The following DMD variants were observed in gnomAD, a reference collection of about 807,000 sequenced individuals.
The protein encoded by DMD is dystrophin.
A neutral mutation model predicts 330.1 loss-of-function variants in DMD; 63 were observed. The observed-to-expected ratio is 0.19, with a 90% CI of 0.16 to 0.24. The LOEUF (loss-of-function observed/expected upper bound fraction) is 0.24. Ranked by LOEUF, DMD falls within the 10% of genes least tolerant of loss-of-function variation. The pLI is 1.00. For synonymous variants in DMD, 1,223 were observed against 959.8 expected (o/e 1.27, Z -5.07); for missense variants, 3,344 against 2,684.1 (o/e 1.25, Z -5.43).
chrX:31,667,853 T>G (rs2081518713), intron 53 of DMD, among the ~76,000 whole-genome samples: 2 of 111,712 alleles, frequency 1.8e-5, no homozygotes, highest in Non-Finnish European at 3.8e-5. Context: ...TTCCAAACTG[T>G]TTTCAAAGTT....
intron 7 of DMD, among the ~76,000 whole-genome samples, chrX:32,712,620 C>T (rs1419680497): frequency 9.0e-6 from 1 of 110,761 alleles, no homozygotes; most frequent in Admixed American, 9.6e-5. Context: ...CTAATTTTCC[C>T]AAGTGAATGT....
chrX:32,592,764 G>A (rs1601961805), intron 13 of DMD, among the ~76,000 whole-genome samples: 1 of 112,388 alleles, frequency 8.9e-6, no homozygotes, highest in East Asian at 2.8e-4. Flanking sequence ...AGACCTTGGG[G>A]CTCCTCAAGC....
chrX:32,200,938 G>A (rs1380129095), intron 44 of DMD, among the ~76,000 whole-genome samples: 1 of 111,292 alleles, frequency 9.0e-6, no homozygotes, highest in Non-Finnish European at 1.9e-5. Flanking sequence ...GCTTGGATGA[G>A]GCACCACGTC....
intron 54 of DMD, among the ~76,000 whole-genome samples, chrX:31,647,272 A>G (rs912858709): frequency 8.0e-5 from 9 of 112,029 alleles, no homozygotes; most frequent in African/African-American, 2.3e-4. Context: ...GGTATCCATT[A>G]GACAGCAGTG....
chrX:33,319,353 A>C (rs2053981081), intron 1 of DMD, among the ~76,000 whole-genome samples: 1 of 111,519 alleles, frequency 9.0e-6, no homozygotes, highest in Non-Finnish European at 1.9e-5. Context: ...CCATAATCAG[A>C]GAAGGGAGGG....
chrX:31,246,140 G>T (rs1294009105), intron 63 of DMD, among the ~76,000 whole-genome samples: 1 of 112,394 alleles, frequency 8.9e-6, no homozygotes. Flanking sequence ...CTGATATGGA[G>T]AAAGTTTGAG....
intron 9 of DMD, among the ~76,000 whole-genome samples, chrX:32,696,945 T>A (rs746557823): frequency 2.7e-5 from 3 of 111,066 alleles, no homozygotes; most frequent in Admixed American, 9.7e-5. Flanking sequence ...CCAAATAAAT[T>A]ACTAATTAAA....
intron 63 of DMD, 130 bp downstream of exon 63, chrX:31,260,825 G>A (rs980500739): frequency 1.8e-6 from 1 of 554,640 alleles, no homozygotes; most frequent in East Asian, 3.7e-5. Flanking sequence ...GGATAGGAAG[G>A]TGCCACTGCT....
chrX:31,545,047 G>A (rs1461743167), intron 55 of DMD, among the ~76,000 whole-genome samples: 1 of 112,037 alleles, frequency 8.9e-6, no homozygotes, highest in African/African-American at 3.2e-5. Context: ...GAATGAAAAA[G>A]GGCTAAGTCT....
chrX:32,279,829 T>C (rs1467921173), intron 43 of DMD, among the ~76,000 whole-genome samples: 1 of 109,226 alleles, frequency 9.2e-6, no homozygotes, highest in African/African-American at 3.3e-5. Context: ...AATTTTACTG[T>C]TTGTAAAACA....
intron 20 of DMD, among the ~76,000 whole-genome samples, chrX:32,486,601 T>G (rs2042496619): frequency 9.1e-6 from 1 of 109,672 alleles, no homozygotes; most frequent in East Asian, 2.9e-4. Context: ...CTTCAAACTA[T>G]ACTACAAGGC....
chrX:31,967,636 T>C (rs2095363607), intron 45 of DMD, among the ~76,000 whole-genome samples: 1 of 111,013 alleles, frequency 9.0e-6, no homozygotes, highest in Admixed American at 9.6e-5. Flanking sequence ...ATTTGGTAAA[T>C]AAAGGCCAAG....
chrX:32,576,307 G>A (rs944395678), intron 13 of DMD, among the ~76,000 whole-genome samples: 2 of 111,258 alleles, frequency 1.8e-5, no homozygotes, highest in African/African-American at 3.3e-5. Context: ...ACCCCAGCAT[G>A]CGATTTTTTT....
At chrX:33,128,912 C>T (rs1230517182) in intron 1 of DMD, 1 of 111,563 alleles carries the variant, frequency 9.0e-6, no homozygotes, top group East Asian at 2.8e-4. Flanking sequence ...TAAACTCAAT[C>T]TAAACCACAA....
intron 43 of DMD, among the ~76,000 whole-genome samples, chrX:32,275,915 C>CGGAATCAT (rs1195848312): frequency 1.8e-5 from 2 of 111,172 alleles, no homozygotes; most frequent in Non-Finnish European, 3.8e-5. Context: ...AAACCAGGTA[C>CGGAATCAT]GGAATCATGG....
Position 32,262,149 on chromosome X carries a change from T to C in DMD, c.6290+25380A>G, listed in dbSNP as rs190745549. Among the ~76,000 whole-genome samples the C allele has an allele frequency of 6.3e-5, 7 of 111,959 alleles. No individual in the cohort carries two copies. The East Asian group carries it at 2.0e-3, about 32-fold the overall frequency. ...CCCATAAACTAGTATCGGAATCAAATTACAATGTTTTTATTGACTTTCTTA... is the reference window on the plus strand; with the variant it reads ...CCCATAAACTAGTATCGGAATCAAACTACAATGTTTTTATTGACTTTCTTA... On this transcript the variant is annotated intron_variant, in intron 43 of 78. Coordinates refer to ENST00000357033, the MANE Select transcript of DMD (RefSeq NM_004006.3).
chrX:31,410,053 C>T (rs1174386435), intron 60 of DMD, among the ~76,000 whole-genome samples: 1 of 111,992 alleles, frequency 8.9e-6, no homozygotes, highest in Non-Finnish European at 1.9e-5. Flanking sequence ...CGTCTGACCT[C>T]GGGTGATCTG....
chrX:32,457,653 G>T (rs902262565), intron 25 of DMD, among the ~76,000 whole-genome samples: 2 of 109,385 alleles, frequency 1.8e-5, no homozygotes, highest in African/African-American at 3.3e-5. Flanking sequence ...GTCAGTGGGA[G>T]TACTGCAACT....
At chrX:32,295,547 C>T (rs1488795275) in intron 42 of DMD, among the ~76,000 whole-genome samples, 2 of 112,226 alleles carry the variant, frequency 1.8e-5, no homozygotes, top group African/African-American at 6.5e-5. Context: ...GTGAGTCTCT[C>T]CCTTAAGAAG....
Sources: allele counts gnomAD v4.1 joint callset (sites outside exome capture counted in the v4.1 genomes callset), GRCh38; gene constraint gnomAD v4.1.1; transcripts MANE v1.5; gene names NCBI Gene and HGNC (gene_info 2026-07-23, HGNC 2026-07-21).